The following HSF1 variants were observed in gnomAD, a reference collection of about 807,000 sequenced individuals.
The protein encoded by HSF1 is heat shock factor protein 1.
In HSF1, 32 loss-of-function variants were observed where a neutral mutation model predicts 51.7. That is an observed-to-expected ratio of 0.62 (90% CI 0.47 to 0.83). The LOEUF is 0.83. HSF1 is among the 40% of genes least tolerant of loss of function. The probability of loss-of-function intolerance (pLI) is 0.00; values close to 1 mark genes in which losing one functional copy is unlikely to be tolerated. For missense variants in HSF1, 727 were observed against 717.0 expected (o/e 1.01, Z -0.16); for synonymous variants, 396 against 309.7 (o/e 1.28, Z -2.92).
chr8:144,305,882 G>A (rs1816192179), intron 1 of HSF1, among the ~76,000 whole-genome samples: 1 of 151,808 alleles, frequency 6.6e-6, no homozygotes, highest in African/African-American at 2.4e-5. Context: ...ACAGGCATGA[G>A]CCACCACACC....
chr8:144,311,943 C>A lies in HSF1; in HGVS notation c.861-20C>A. The A allele has an allele frequency of 6.3e-7, 1 of 1,581,038 alleles. No homozygotes were observed. The highest frequency in any genetic ancestry group is 1.7e-5 in the Admixed American group (1 of 57,816). ...GGGGCTGGCCGAGACGCCAGCTCAC[C>A]TGGCCCCCCTCGTGTGCAGGCCCCT... On this transcript the variant is annotated intron_variant, in intron 8 of 12. Coordinates refer to ENST00000528838, the MANE Select transcript of HSF1 (RefSeq NM_005526.4).
At chr8:144,307,318 G>C (rs902272547) in intron 1 of HSF1, among the ~76,000 whole-genome samples, 1 of 152,230 alleles carries the variant, frequency 6.6e-6, no homozygotes, top group Non-Finnish European at 1.5e-5. Context: ...CAGTCCTCTG[G>C]GAATGGGGCC....
chr8:144,303,233 A>G (rs1231509108), intron 1 of HSF1, among the ~76,000 whole-genome samples: 1 of 151,742 alleles, frequency 6.6e-6, no homozygotes, highest in Non-Finnish European at 1.5e-5. Flanking sequence ...GGGGTTTTTG[A>G]GTAGTGGTAG....
In HSF1 at chr8:144,313,526, C is replaced by T; in HGVS notation, c.1158C>T (p.Asp386=). The change falls in exon 10 of 13, where the codon GAC becomes GAT. Residue 386 remains aspartate (D), a synonymous_variant. Coordinates refer to ENST00000528838, the MANE Select transcript of HSF1 (RefSeq NM_005526.4). The part of the protein sequence containing the change: ...VACLDKNELS[D]HLDAMDSNLD... ...CCCGGGCCAGGAATGAGCTCAGTGA[C>T]CACTTGGATGCTATGGACTCCAACC... The T allele has an allele frequency of 6.2e-7, 1 of 1,610,990 alleles. No individual in the cohort carries two copies. The highest frequency in any genetic ancestry group is 1.1e-5 in the South Asian group (1 of 91,054).
At chr8:144,308,482 C>A (rs577229920) in intron 1 of HSF1, among the ~76,000 whole-genome samples, 2 of 152,322 alleles carry the variant, frequency 1.3e-5, no homozygotes, top group East Asian at 3.9e-4. Flanking sequence ...TCGCTGTTCC[C>A]AAGGGAAAGG....
In HSF1 at chr8:144,313,993, G is replaced by A. The variant is rs1554845931; in HGVS notation, c.1323G>A (p.Glu441=). The A allele has an allele frequency of 6.2e-7, 1 of 1,611,180 alleles. No individual in the cohort carries two copies. The highest frequency in any genetic ancestry group is 1.1e-5 in the South Asian group (1 of 90,970). The change falls in exon 12 of 13, where the codon GAG becomes GAA. Residue 441 remains glutamate, a synonymous_variant. Transcript: ENST00000528838. ...CCGTCTCCACCCCACAGATCCAAGA[G>A]CTCCTGTCTCCCCAGGAGCCCCCCA... The part of the protein sequence containing the change: ...DLDSSLASIQ[E]LLSPQEPPRP...
chr8:144,293,620 T>C (rs1554840818), intron 1 of HSF1: 1 of 151,900 alleles, frequency 6.6e-6, no homozygotes, highest in Non-Finnish European at 1.5e-5. Flanking sequence ...GTATTTTTAG[T>C]AGAGACGGGG....
chr8:144,311,520 C>T lies in HSF1; in HGVS notation c.642C>T (p.Asn214=), dbSNP rs574362317. The change falls in exon 7 of 13, where the codon AAC becomes AAT. Residue 214 remains asparagine, a synonymous_variant. Transcript: ENST00000528838. ...TTCCCCACAGCCCCCTGATGCTGAA[C>T]GACAGTGGCTCAGCACATTCCATGC... The part of the protein sequence containing the change: ...GVKRKIPLML[N]DSGSAHSMPK... 42 of 1,613,574 alleles carry T rather than the reference C, an allele frequency of 2.6e-5. No homozygotes were observed. The highest frequency in any genetic ancestry group is 1.8e-4 in the Admixed American group (11 of 59,994).
At chr8:144,304,311 G>T (rs1473628171) in intron 1 of HSF1, among the ~76,000 whole-genome samples, 1 of 152,214 alleles carries the variant, frequency 6.6e-6, no homozygotes, top group Non-Finnish European at 1.5e-5. Context: ...TGTTATATGC[G>T]TTTAGGACAG....
At position 144,314,659 on chromosome 8, in the gene HSF1, T is replaced by C. The variant is rs143150506; in HGVS notation, c.*329T>C. 1.2e-4 allele frequency: 42 copies of C among 364,166 alleles called. No homozygotes were observed. The highest frequency in any genetic ancestry group is 3.2e-4 in the African/African-American group (16 of 49,516). 22.6% of individuals were successfully genotyped at this position (364,166 alleles called of 1,614,324 possible). A position where few individuals can be genotyped will look rare whatever the true frequency, so the allele number is the denominator to read the frequency against. ...CCCGCTCCACAGAGATACACAGATATATACACACAGTGGATGGACGGACAA... is the reference window on the plus strand; with the variant it reads ...CCCGCTCCACAGAGATACACAGATACATACACACAGTGGATGGACGGACAA... On this transcript the variant is annotated 3_prime_UTR_variant, in exon 13 of 13. Transcript: ENST00000528838.
Position 144,314,376 on chromosome 8 carries a change from C to A in HSF1, c.*46C>A. 1 of 1,494,982 alleles carries A rather than the reference C, an allele frequency of 6.7e-7. No homozygotes were observed. Among genetic ancestry groups the A allele is most frequent in the Admixed American group, 2.0e-5 (1 of 49,370 alleles). 92.6% of individuals were successfully genotyped at this position (1,494,982 alleles called of 1,614,324 possible). A position where few individuals can be genotyped will look rare whatever the true frequency, so the allele number is the denominator to read the frequency against. On this transcript the variant is annotated 3_prime_UTR_variant, in exon 13 of 13. Transcript: ENST00000528838. ...CAGCCGCCCACCCCCACCCCCAGTGCAGGGCTGGTCTTGGGGAGGCAGGGC... is the reference window on the plus strand; with the variant it reads ...CAGCCGCCCACCCCCACCCCCAGTGAAGGGCTGGTCTTGGGGAGGCAGGGC...
chr8:144,304,830 G>A (rs1424708891), intron 1 of HSF1, among the ~76,000 whole-genome samples: 1 of 151,692 alleles, frequency 6.6e-6, no homozygotes, highest in Non-Finnish European at 1.5e-5. Flanking sequence ...TTTTAGTAGA[G>A]GCGGGGTTTC....
chr8:144,313,428 CAA>C, intron 9 of HSF1, 81 bp from the exon 10 acceptor site: 1 of 917,108 alleles, frequency 1.1e-6, no homozygotes, highest in East Asian at 2.6e-5. Context: ...GGGGTACAGT[CAA>C]GGGGAGCCCT....
chr8:144,313,312 C>T (rs536465966), intron 9 of HSF1, 199 bp from the exon 10 acceptor site: 11 of 554,208 alleles, frequency 2.0e-5, no homozygotes, highest in African/African-American at 1.9e-4. Flanking sequence ...CCAGCATAGG[C>T]CCAGCCGCAC....
In HSF1 at chr8:144,312,084, A is replaced by G; in HGVS notation, c.982A>G (p.Thr328Ala). The change falls in exon 9 of 13, where the codon ACC becomes GCC. Residue 328 changes from threonine (T) to alanine (A), a missense_variant. Thr to Ala is a moderately conservative substitution (Grantham distance 58, BLOSUM62 0). This residue lies in a region of HSF1 where 470 missense variants were observed against 398.8 expected (regional missense o/e 1.18). Coordinates refer to ENST00000528838, the MANE Select transcript of HSF1 (RefSeq NM_005526.4). ...PSSVDTLLSPTALIDSILRES... is the reference protein window; with the variant it reads ...PSSVDTLLSPAALIDSILRES... ...TTCCGTGGACACCCTCTTGTCCCCGACCGCCCTCATTGACTCCATCCTGCG... is the reference window on the plus strand; with the variant it reads ...TTCCGTGGACACCCTCTTGTCCCCGGCCGCCCTCATTGACTCCATCCTGCG... The G allele has an allele frequency of 6.2e-7, 1 of 1,611,848 alleles. No homozygotes were observed. Among genetic ancestry groups the G allele is most frequent in the African/African-American group, 1.3e-5 (1 of 74,672 alleles).
At chr8:144,312,981 G>A (rs147668063) in intron 9 of HSF1, 194 of 541,676 alleles carry the variant, frequency 3.6e-4, no homozygotes, top group African/African-American at 3.4e-3. Context: ...GGTGCTGACT[G>A]CACTTCCTGT....
intron 1 of HSF1, among the ~76,000 whole-genome samples, chr8:144,298,424 C>A (rs1157031578): frequency 6.8e-6 from 1 of 146,978 alleles, no homozygotes; most frequent in Non-Finnish European, 1.5e-5. Flanking sequence ...TGGTGAAACC[C>A]CGTCTCTACT....
chr8:144,314,141 C>G lies in HSF1; in HGVS notation c.1401C>G (p.His467Gln). The change falls in exon 13 of 13, where the codon CAC (histidine) becomes CAG (glutamine). Residue 467 changes from histidine (H) to glutamine (Q), a missense_variant. His to Gln is a conservative substitution (Grantham distance 24). This residue lies in a region of HSF1 where 470 missense variants were observed against 398.8 expected (regional missense o/e 1.18). Transcript: ENST00000528838. ...SSPDSGKQLV[H>Q]YTAQPLFLLD... ...CCCCCGCAGGGAAGCAGCTGGTGCA[C>G]TACACAGCGCAGCCGCTGTTCCTGC... 6.5e-7 allele frequency: 1 copy of G among 1,545,554 alleles called. No individual in the cohort carries two copies. Among genetic ancestry groups the G allele is most frequent in the Non-Finnish European group, 8.7e-7 (1 of 1,145,806 alleles).
intron 1 of HSF1, among the ~76,000 whole-genome samples, chr8:144,304,131 T>C (rs1484541164): frequency 9.0e-6 from 1 of 111,132 alleles, no homozygotes; most frequent in Non-Finnish European, 1.9e-5. Context: ...GGAAACCTTA[T>C]TTGGGAATTG....
Sources: gnomAD v4.1 joint callset for allele counts (sites outside exome capture counted in the v4.1 genomes callset) on GRCh38, gnomAD v4.1.1 for gene constraint, gnomAD v4.1.1 regional missense constraint, MANE v1.5 for transcripts, NCBI Gene and HGNC (gene_info 2026-07-23, HGNC 2026-07-21) for gene names.